CCSER1: variants seen among roughly 807,000 people sequenced by gnomAD.
The protein encoded by CCSER1 is serine-rich coiled-coil domain-containing protein 1.
In CCSER1, 41 loss-of-function variants were observed where a neutral mutation model predicts 82.0. The observed-to-expected ratio is 0.50, with a 90% CI of 0.39 to 0.65. The LOEUF (loss-of-function observed/expected upper bound fraction) is 0.65, where lower values mean the gene tolerates loss of function less well. CCSER1 is among the 30% of genes least tolerant of loss of function. The pLI is 0.00. For synonymous variants in CCSER1, 414 were observed against 383.9 expected, an observed-to-expected ratio of 1.08 and a Z score of -0.92; for missense variants, 1,119 against 1,064.2, an observed-to-expected ratio of 1.05 and a Z score of -0.72.
rs72871948 is a variant in CCSER1, at chr4:90,608,142, A to G, written c.1725-19883A>G. Among the ~76,000 whole-genome samples, 648 of 152,278 alleles carry G rather than the reference A, an allele frequency of 4.3e-3. 4 individuals carry two copies. Among genetic ancestry groups the G allele is most frequent in the African/African-American group, 0.015 (619 of 41,552 alleles). On this transcript the variant is annotated intron_variant, in intron 5 of 10. Coordinates refer to ENST00000509176, the MANE Select transcript of CCSER1 (RefSeq NM_001145065.2). Reference sequence around the variant, plus strand: ...GGCTAGATTAATTCAAAGAAATTTAAGGTATTTAGATTAAGGTTTACACTT... The same window carrying G: ...GGCTAGATTAATTCAAAGAAATTTAGGGTATTTAGATTAAGGTTTACACTT...
chr4:91,385,449 A>C (rs538063338), intron 10 of CCSER1, among the ~76,000 whole-genome samples: 27 of 152,142 alleles, frequency 1.8e-4, no homozygotes, highest in Non-Finnish European at 2.8e-4. Context: ...GAGCAGGAGG[A>C]ACAGGGGAGC....
intron 7 of CCSER1, among the ~76,000 whole-genome samples, chr4:90,761,788 C>G (rs1423164754): frequency 6.6e-6 from 1 of 151,922 alleles, no homozygotes; most frequent in Admixed American, 6.6e-5. Context: ...GACTCTTTTT[C>G]CTTCTGGATC....
At chr4:90,469,511 T>G (rs1258931522) in intron 5 of CCSER1, among the ~76,000 whole-genome samples, 2 of 142,056 alleles carry the variant, frequency 1.4e-5, no homozygotes, top group Non-Finnish European at 3.0e-5. Context: ...AGCTCAAATG[T>G]GTTTTCCTGC....
chr4:90,203,371 G>A (rs897626923), intron 1 of CCSER1, among the ~76,000 whole-genome samples: 6 of 151,950 alleles, frequency 3.9e-5, no homozygotes, highest in South Asian at 2.1e-4. Context: ...AACAGACCCC[G>A]GTGTGTGATG....
intron 8 of CCSER1, among the ~76,000 whole-genome samples, chr4:90,839,567 A>G (rs1367203680): frequency 1.3e-5 from 2 of 152,234 alleles, no homozygotes; most frequent in Non-Finnish European, 2.9e-5. Context: ...TCTAGAAAGC[A>G]GGTCCTAAGC....
intron 10 of CCSER1, among the ~76,000 whole-genome samples, chr4:91,132,205 T>A (rs1270074169): frequency 6.6e-6 from 1 of 151,724 alleles, no homozygotes; most frequent in Non-Finnish European, 1.5e-5. Context: ...AAGAAATGAG[T>A]TTTTCATAGT....
intron 10 of CCSER1, among the ~76,000 whole-genome samples, chr4:91,530,833 A>G (rs1032417194): frequency 6.6e-6 from 1 of 151,930 alleles, no homozygotes; most frequent in Non-Finnish European, 1.5e-5. Flanking sequence ...GATTACAGGC[A>G]TGCGCCACCA....
intron 8 of CCSER1, among the ~76,000 whole-genome samples, chr4:90,864,536 A>G (rs962791134): frequency 6.6e-6 from 1 of 152,024 alleles, no homozygotes; most frequent in African/African-American, 2.4e-5. Context: ...CAAAAAGATC[A>G]TCATAAGGTG....
At chr4:90,355,512 A>G (rs1397019620) in intron 3 of CCSER1, among the ~76,000 whole-genome samples, 1 of 152,008 alleles carries the variant, frequency 6.6e-6, no homozygotes, top group Non-Finnish European at 1.5e-5. Context: ...AAAATGAGTT[A>G]CCATACCTAT....
At chr4:91,264,225 A>G (rs1297122840) in intron 10 of CCSER1, among the ~76,000 whole-genome samples, 3 of 151,830 alleles carry the variant, frequency 2.0e-5, no homozygotes, top group Admixed American at 2.0e-4. Context: ...AGAACTGTAA[A>G]GAAGTGCTGC....
At chr4:90,555,827 G>A (rs1237822437) in intron 5 of CCSER1, among the ~76,000 whole-genome samples, 11 of 151,838 alleles carry the variant, frequency 7.2e-5, no homozygotes, top group Non-Finnish European at 1.3e-4. Flanking sequence ...TTATATTCAA[G>A]GTCATGAACA....
At chr4:90,385,325 G>A (rs1375916283) in intron 3 of CCSER1, among the ~76,000 whole-genome samples, 4 of 149,334 alleles carry the variant, frequency 2.7e-5, no homozygotes, top group African/African-American at 9.8e-5. Flanking sequence ...CATACAGGTT[G>A]TACTAATTTA....
At chr4:91,365,016 G>A (rs1479539370) in intron 10 of CCSER1, among the ~76,000 whole-genome samples, 1 of 152,062 alleles carries the variant, frequency 6.6e-6, no homozygotes, top group Non-Finnish European at 1.5e-5. Context: ...AGTGACAAAT[G>A]GCAGATAATA....
At chr4:90,301,015 T>C (rs892213727) in intron 1 of CCSER1, among the ~76,000 whole-genome samples, 1 of 151,890 alleles carries the variant, frequency 6.6e-6, no homozygotes, top group Admixed American at 6.6e-5. Flanking sequence ...TCTTTTTTTC[T>C]AAGAGATGGG....
chr4:91,253,620 C>A (rs997814891), intron 10 of CCSER1, among the ~76,000 whole-genome samples: 9 of 152,118 alleles, frequency 5.9e-5, no homozygotes, highest in Admixed American at 2.6e-4. Flanking sequence ...ACAAAATAGA[C>A]TTAACAATAA....
intron 10 of CCSER1, among the ~76,000 whole-genome samples, chr4:91,157,631 G>T (rs1004059583): frequency 3.3e-5 from 5 of 151,978 alleles, no homozygotes; most frequent in African/African-American, 1.2e-4. Flanking sequence ...CATCTATATG[G>T]TAATGCCAGG....
At chr4:90,241,451 T>C (rs1043285038) in intron 1 of CCSER1, among the ~76,000 whole-genome samples, 1 of 152,218 alleles carries the variant, frequency 6.6e-6, no homozygotes, top group Admixed American at 6.5e-5. Context: ...AGCTAGATGG[T>C]AAATCATTCA....
At chr4:90,987,350 C>T (rs1561448288) in intron 9 of CCSER1, among the ~76,000 whole-genome samples, 1 of 151,282 alleles carries the variant, frequency 6.6e-6, no homozygotes, top group Non-Finnish European at 1.5e-5. Flanking sequence ...TTACAATTCA[C>T]CAAAAAATAA....
intron 5 of CCSER1, among the ~76,000 whole-genome samples, chr4:90,488,733 T>C (rs1578754216): frequency 6.6e-6 from 1 of 152,332 alleles, no homozygotes; most frequent in East Asian, 1.9e-4. Flanking sequence ...GAATGCTCGC[T>C]CTGAACATAT....
Sources: allele counts gnomAD v4.1 joint callset (sites outside exome capture counted in the v4.1 genomes callset), GRCh38; gene constraint gnomAD v4.1.1; transcripts MANE v1.5; gene names NCBI Gene and HGNC (gene_info 2026-07-23, HGNC 2026-07-21).